The following CFTR variants were observed in gnomAD, a reference collection of about 807,000 sequenced individuals.
CFTR encodes the protein CF transmembrane conductance regulator.
Under a neutral mutation model 171.6 loss-of-function variants are expected in CFTR, and 181 were observed. That is an observed-to-expected ratio of 1.05 (90% confidence interval 0.93 to 1.19). The LOEUF is 1.19. Among genes scored for constraint, CFTR ranks in the 50% most tolerant of loss-of-function variants. The pLI, the probability that CFTR is intolerant of heterozygous loss-of-function variation, is 0.00. For missense variants in CFTR, 1,968 were observed against 1,734.7 expected (o/e 1.13, Z -2.39); for synonymous variants, 583 against 608.0 (o/e 0.96, Z 0.60).
rs777561234 is a variant in CFTR at position 117,574,072 on chromosome 7, G to A, written c.1585-13667G>A. ...AATTTTTTTTAGATTATACTTTCAT[G>A]GAAGGGAAGATCTACTGTGAAGGCT... On this transcript the variant is annotated intron_variant, in intron 11 of 26. Transcript: ENST00000003084. Among the ~76,000 whole-genome samples, 348 of 152,032 alleles carry A rather than the reference G, an allele frequency of 2.3e-3. 1 individual carries two copies. Among genetic ancestry groups the A allele is most frequent in the Non-Finnish European group, 3.4e-3 (234 of 67,922 alleles).
At chr7:117,583,931 T>G (rs1791891320) in intron 11 of CFTR, among the ~76,000 whole-genome samples, 1 of 152,162 alleles carries the variant, frequency 6.6e-6, no homozygotes, top group Non-Finnish European at 1.5e-5. Context: ...ATCAGTGATG[T>G]TGAGCATTTT....
At chr7:117,609,018 T>G (rs1452019743) in intron 18 of CFTR, among the ~76,000 whole-genome samples, 1 of 152,196 alleles carries the variant, frequency 6.6e-6, no homozygotes, top group Non-Finnish European at 1.5e-5. Context: ...TCTCTGGAAC[T>G]TATTCATTTT....
intron 3 of CFTR, among the ~76,000 whole-genome samples, chr7:117,513,700 T>A: frequency 6.6e-6 from 1 of 152,220 alleles, no homozygotes; most frequent in Non-Finnish European, 1.5e-5. Flanking sequence ...GTATATCTCT[T>A]CCTGTGATTG....
At chr7:117,530,510 A>T (rs2116669286) in intron 3 of CFTR, among the ~76,000 whole-genome samples, 1 of 152,184 alleles carries the variant, frequency 6.6e-6, no homozygotes, top group East Asian at 1.9e-4. Context: ...CTCTATAGTA[A>T]ACAAAAAAAA....
intron 12 of CFTR, among the ~76,000 whole-genome samples, chr7:117,589,204 T>A (rs1209786431): frequency 6.6e-6 from 1 of 152,010 alleles, no homozygotes; most frequent in Non-Finnish European, 1.5e-5. Flanking sequence ...GTCATAGATG[T>A]GAGGGAGAGA....
intron 3 of CFTR, among the ~76,000 whole-genome samples, chr7:117,520,383 AC>A (rs1396826211): frequency 6.6e-6 from 1 of 151,210 alleles, no homozygotes; most frequent in Non-Finnish European, 1.5e-5. Flanking sequence ...GGCCCATGCC[AC>A]CCAAATATTA....
In CFTR at chr7:117,592,658, G is replaced by T. The variant is rs141158996; in HGVS notation, c.2490+1G>T. On this transcript the variant is annotated splice_donor_variant, in intron 14 of 26. Transcript: ENST00000003084. LOFTEE classifies it high-confidence loss of function. ...AGAAATTAACGAAGAAGACTTAAAG[G>T]TAGGTATACATCGCTTGGGGGTATT... 5.2e-6 allele frequency: 8 copies of T among 1,537,676 alleles called. No individual in the cohort carries two copies. Among genetic ancestry groups the T allele is most frequent in the Non-Finnish European group, 7.0e-6 (8 of 1,149,760 alleles).
intron 18 of CFTR, among the ~76,000 whole-genome samples, chr7:117,609,819 C>G (rs1255225980): frequency 1.3e-5 from 2 of 152,002 alleles, no homozygotes; most frequent in Admixed American, 1.3e-4. Flanking sequence ...TCATGCAATA[C>G]TTTAAAGTGT....
intron 20 of CFTR, among the ~76,000 whole-genome samples, chr7:117,613,334 A>G (rs1219881607): frequency 6.6e-6 from 1 of 152,188 alleles, no homozygotes; most frequent in Non-Finnish European, 1.5e-5. Flanking sequence ...AGAACTTACC[A>G]ATCAAATCAG....
At chr7:117,516,439 C>G (rs1798597556) in intron 3 of CFTR, among the ~76,000 whole-genome samples, 2 of 152,014 alleles carry the variant, frequency 1.3e-5, no homozygotes, top group African/African-American at 4.8e-5. Flanking sequence ...AAGATAGGGC[C>G]TAGATAAATG....
intron 18 of CFTR, among the ~76,000 whole-genome samples, chr7:117,607,061 A>G (rs1193529518): frequency 6.6e-6 from 1 of 152,092 alleles, no homozygotes; most frequent in African/African-American, 2.4e-5. Context: ...AAAGTGTGAC[A>G]TTTTGGCATT....
At chr7:117,632,527 C>T (rs982994824) in intron 22 of CFTR, among the ~76,000 whole-genome samples, 60 of 147,112 alleles carry the variant, frequency 4.1e-4, no homozygotes, top group African/African-American at 1.4e-3. Flanking sequence ...GGCACCACTA[C>T]AGCCTGGATG....
At position 117,668,072 on chromosome 7, in the gene CFTR, A is replaced by C. The variant is rs1793416122; in HGVS notation, c.*964A>C. ...ACACACATGAAGTCCAAGCATTTAGATGTATAGGTTGATGGTGGTATGTTT... is the reference window on the plus strand; with the variant it reads ...ACACACATGAAGTCCAAGCATTTAGCTGTATAGGTTGATGGTGGTATGTTT... On this transcript the variant is annotated 3_prime_UTR_variant, in exon 27 of 27. Coordinates refer to ENST00000003084, the MANE Select transcript of CFTR (RefSeq NM_000492.4). 1 of 152,154 alleles carries C rather than the reference A, an allele frequency of 6.6e-6. No individual in the cohort carries two copies. Among genetic ancestry groups the C allele is most frequent in the Admixed American group, 6.5e-5 (1 of 15,274 alleles). 9.4% of individuals were successfully genotyped at this position (152,154 alleles called of 1,614,324 possible).
chr7:117,597,936 C>T (rs1490557271), intron 15 of CFTR, among the ~76,000 whole-genome samples: 1 of 152,102 alleles, frequency 6.6e-6, no homozygotes, highest in African/African-American at 2.4e-5. Flanking sequence ...TCATGAGCAG[C>T]CACATAAATG....
chr7:117,536,781 C>A, intron 7 of CFTR, 108 bp downstream of exon 7: 1 of 922,020 alleles, frequency 1.1e-6, no homozygotes, highest in Non-Finnish European at 1.7e-6. Context: ...TTGTGACAAT[C>A]AAATGATTGC....
intron 22 of CFTR, 133 bp downstream of exon 22, chr7:117,627,903 T>TGTG: frequency 1.1e-6 from 1 of 910,558 alleles, no homozygotes; most frequent in Non-Finnish European, 1.8e-6. Context: ...AACACACATG[T>TGTG]TTTATTATAT....
intron 3 of CFTR, among the ~76,000 whole-genome samples, chr7:117,509,393 T>C (rs1798477430): frequency 6.6e-6 from 1 of 152,152 alleles, no homozygotes; most frequent in East Asian, 1.9e-4. Context: ...CTTAAAAAAT[T>C]ATTTTCTGTT....
intron 2 of CFTR, among the ~76,000 whole-genome samples, chr7:117,507,454 C>T (rs1798439030): frequency 6.6e-6 from 1 of 152,184 alleles, no homozygotes; most frequent in Non-Finnish European, 1.5e-5. Context: ...TCCGTGTGGA[C>T]CACTTTTTCA....
intron 9 of CFTR, among the ~76,000 whole-genome samples, chr7:117,543,844 G>A (rs1584791051): frequency 6.6e-6 from 1 of 152,178 alleles, no homozygotes; most frequent in Non-Finnish European, 1.5e-5. Flanking sequence ...CCATATAAAT[G>A]AGTCTTCCAA....
Sources: gnomAD v4.1 joint callset for allele counts (sites outside exome capture counted in the v4.1 genomes callset) on GRCh38, gnomAD v4.1.1 for gene constraint, MANE v1.5 for transcripts, NCBI Gene and HGNC (gene_info 2026-07-23, HGNC 2026-07-21) for gene names.